The following BICRAL variants were observed in gnomAD, a reference collection of about 807,000 sequenced individuals.
BICRAL encodes BRD4-interacting chromatin-remodeling complex-associated protein-like.
In BICRAL, 8 loss-of-function variants were observed where a neutral mutation model predicts 91.8. The ratio of observed to expected loss-of-function variants is 0.09; its 90% CI spans 0.05 to 0.16. BICRAL has a LOEUF of 0.16. Among genes scored for constraint, BICRAL ranks in the 10% least tolerant of loss-of-function variants. The probability of loss-of-function intolerance (pLI) is 1.00; values close to 1 mark genes in which losing one functional copy is unlikely to be tolerated. For missense variants in BICRAL, 1,038 were observed against 1,310.9 expected (o/e 0.79, Z 3.21); for synonymous variants, 445 against 491.1 (o/e 0.91, Z 1.24).
intron 1 of BICRAL, among the ~76,000 whole-genome samples, chr6:42,749,700 A>C (rs148503884): frequency 9.3e-4 from 142 of 152,264 alleles, no homozygotes; most frequent in African/African-American, 3.3e-3. Context: ...AACTTTTTAA[A>C]AAACAGTTAC....
At position 42,857,610 on chromosome 6, in the gene BICRAL, A is replaced by T. The variant is rs1161422324; in HGVS notation, c.2254+374A>T. Reference sequence around the variant, plus strand: ...GGAGACACTGTCTCTTAAAAAAAAAAAAAAATATATATATATATATATATA... The same window carrying T: ...GGAGACACTGTCTCTTAAAAAAAAATAAAAATATATATATATATATATATA... On this transcript the variant is annotated intron_variant, in intron 10 of 12. Coordinates refer to ENST00000314073, the MANE Select transcript of BICRAL (RefSeq NM_001393499.1). Among the ~76,000 whole-genome samples the T allele has an allele frequency of 6.8e-3, 684 of 100,290 alleles. 9 individuals are homozygous for T. Among genetic ancestry groups the T allele is most frequent in the African/African-American group, 0.052 (633 of 12,058 alleles). The allele number at this position is 100,290 out of a possible 152,430, so 65.8% of individuals were successfully genotyped here.
At chr6:42,782,152 GAAA>G (rs888858298) in intron 1 of BICRAL, 51 bp downstream of exon 1, 3 of 145,478 alleles carry the variant, frequency 2.1e-5, no homozygotes, top group African/African-American at 7.5e-5. Flanking sequence ...ATTTCAAGGA[GAAA>G]AAAAAAACAC....
Position 42,782,482 on chromosome 6 carries a change from G to C in BICRAL, c.-102+381G>C, listed in dbSNP as rs920836279. On this transcript the variant is annotated intron_variant, in intron 1 of 12. Coordinates refer to ENST00000314073, the MANE Select transcript of BICRAL (RefSeq NM_001393499.1). ...GAAGACCAAGTTCAGTGTCTCGGGC[G>C]GGGGCGCAGGCGGGCAGGGGGCGGC... 2.6e-5 allele frequency among the ~76,000 whole-genome samples: 4 copies of C among 151,256 alleles called. No individual in the cohort carries two copies. The East Asian group carries it at 7.7e-4, about 29-fold the overall frequency.
chr6:42,773,211 T>C (rs900464665), intron 1 of BICRAL, among the ~76,000 whole-genome samples: 3 of 151,528 alleles, frequency 2.0e-5, no homozygotes, highest in Non-Finnish European at 4.4e-5. Context: ...CCTGAGTAGC[T>C]GGGATTACAG....
At chr6:42,753,761 G>A (rs936898398) in intron 1 of BICRAL, among the ~76,000 whole-genome samples, 5 of 152,030 alleles carry the variant, frequency 3.3e-5, no homozygotes, top group Admixed American at 1.3e-4. Flanking sequence ...ACAGGTGTGC[G>A]CCACCACACC....
At chr6:42,771,715 A>G (rs1762738920) in intron 1 of BICRAL, among the ~76,000 whole-genome samples, 1 of 152,120 alleles carries the variant, frequency 6.6e-6, no homozygotes, top group Non-Finnish European at 1.5e-5. Context: ...CTGAGATACA[A>G]TGGCTGTTTT....
chr6:42,853,078 A>AG lies in BICRAL; in HGVS notation c.1946-560_1946-559insG, dbSNP rs1025700598. ...AGACCTTGTCTCAAAAAAAAAAAAA[A>AG]AAAAGAAAAGGTATTTTACAGTACT... is the stretch of plus-strand genomic sequence containing the variant. On this transcript the variant is annotated intron_variant, in intron 7 of 12. Transcript: ENST00000314073. 7.2e-5 allele frequency among the ~76,000 whole-genome samples: 11 copies of AG among 151,916 alleles called. 1 individual carries two copies. The highest frequency in any genetic ancestry group is 2.6e-4 in the Admixed American group (4 of 15,230).
intron 11 of BICRAL, among the ~76,000 whole-genome samples, chr6:42,860,942 C>T (rs1397710839): frequency 6.6e-6 from 1 of 151,920 alleles, no homozygotes; most frequent in African/African-American, 2.4e-5. Flanking sequence ...GCCTGACCAA[C>T]ATGGAGAAAC....
At position 42,800,323 on chromosome 6, in the gene BICRAL, A is replaced by G. The variant is rs12191577; in HGVS notation, c.-101-9983A>G. Among the ~76,000 whole-genome samples, 1,351 of 151,594 alleles carry G rather than the reference A, an allele frequency of 8.9e-3. 14 individuals carry two copies. The highest frequency in any genetic ancestry group is 0.014 in the Non-Finnish European group (976 of 67,886). On this transcript the variant is annotated intron_variant, in intron 1 of 12. Coordinates refer to ENST00000314073, the MANE Select transcript of BICRAL (RefSeq NM_001393499.1). Reference sequence around the variant, plus strand: ...TGTGATCCATCTGCCTCGGCCTCCCAAAGTGATTTTTTTAATTTTTAGTAG... The same window carrying G: ...TGTGATCCATCTGCCTCGGCCTCCCGAAGTGATTTTTTTAATTTTTAGTAG...
At chr6:42,781,928 C>CTG (rs768050481), upstream of BICRAL, 4 of 2,134 alleles carry the variant, frequency 1.9e-3, no homozygotes, top group Admixed American at 5.9e-3. Context: ...GGAGCGGCGC[C>CTG]CCGGCCCGGC....
At chr6:42,813,525 T>G (rs527750181) in intron 2 of BICRAL, among the ~76,000 whole-genome samples, 4 of 152,020 alleles carry the variant, frequency 2.6e-5, no homozygotes, top group Non-Finnish European at 5.9e-5. Context: ...GATAAACACT[T>G]TTTGTGGGGG....
chr6:42,747,795 G>GTTTTTTTTTTTTT (rs1343500976), intron 1 of BICRAL, among the ~76,000 whole-genome samples: 2 of 141,086 alleles, frequency 1.4e-5, no homozygotes, highest in Non-Finnish European at 3.1e-5. Flanking sequence ...TTGCTTTTTT[G>GTTTTTTTTTTTTT]TTTTATTTTG....
chr6:42,760,837 C>G (rs949524910), intron 1 of BICRAL, among the ~76,000 whole-genome samples: 1 of 152,176 alleles, frequency 6.6e-6, no homozygotes, highest in Non-Finnish European at 1.5e-5. Flanking sequence ...GCCTAGCCAA[C>G]ATGGCGAAAC....
chr6:42,835,145 T>TC (rs1056838241), intron 6 of BICRAL, among the ~76,000 whole-genome samples: 1 of 151,972 alleles, frequency 6.6e-6, no homozygotes, highest in Non-Finnish European at 1.5e-5. Flanking sequence ...TCTTTTTTTT[T>TC]TGAGTCAGAG....
chr6:42,858,645 CTG>C (rs1245755383), intron 10 of BICRAL, among the ~76,000 whole-genome samples: 5 of 151,538 alleles, frequency 3.3e-5, no homozygotes, highest in Admixed American at 6.6e-5. Context: ...TGGAGAAACC[CTG>C]TGTCTACTAA....
At chr6:42,778,515 C>A (rs1338275240), upstream of BICRAL, among the ~76,000 whole-genome samples, 1 of 152,174 alleles carries the variant, frequency 6.6e-6, no homozygotes, top group African/African-American at 2.4e-5. Context: ...AGAAGACCTT[C>A]AATAAATGTC....
intron 1 of BICRAL, among the ~76,000 whole-genome samples, chr6:42,789,634 T>C (rs950701098): frequency 4.8e-5 from 6 of 124,726 alleles, no homozygotes; most frequent in African/African-American, 2.0e-4. Context: ...ATAGCTAGAC[T>C]GTCTCAAAAA....
chr6:42,829,533 G>A lies in BICRAL; in HGVS notation c.1200G>A (p.Gln400=), dbSNP rs190975148. 3.1e-6 allele frequency: 5 copies of A among 1,614,074 alleles called. No homozygotes were observed. In the East Asian group the frequency reaches 1.1e-4, roughly 36 times the overall value. ...PMGQPHAPQS[Q]FLIPTSLSVS... ...GCCAACCTCACGCACCCCAAAGTCA[G>A]TTCCTTATACCTACAAGCCTTTCTG... The change falls in exon 6 of 13, where the codon CAG becomes CAA. Residue 400 remains glutamine, a synonymous_variant. Coordinates refer to ENST00000314073, the MANE Select transcript of BICRAL (RefSeq NM_001393499.1).
chr6:42,760,248 A>C (rs2113830637), intron 1 of BICRAL, among the ~76,000 whole-genome samples: 1 of 150,288 alleles, frequency 6.7e-6, no homozygotes, highest in Non-Finnish European at 1.5e-5. Context: ...CAACAAGAGC[A>C]AAACTCCATC....
Sources: allele counts gnomAD v4.1 joint callset (sites outside exome capture counted in the v4.1 genomes callset), GRCh38; gene constraint gnomAD v4.1.1; transcripts MANE v1.5; gene names NCBI Gene and HGNC (gene_info 2026-07-23, HGNC 2026-07-21).